Variants in DAB1 observed in about 807,000 individuals in gnomAD.
The protein encoded by DAB1 is DAB adaptor protein 1, also known as disabled homolog 1.
A neutral mutation model predicts 64.6 loss-of-function variants in DAB1; 15 were observed. That is an observed-to-expected ratio of 0.23 (90% CI 0.16 to 0.36). The LOEUF is 0.36. Ranked by LOEUF, DAB1 falls within the 10% of genes least tolerant of loss-of-function variation. The pLI, the probability that DAB1 is intolerant of heterozygous loss-of-function variation, is 1.00. For missense variants in DAB1, 596 were observed against 706.7 expected, an observed-to-expected ratio of 0.84 and a Z score of 1.78; for synonymous variants, 235 against 251.9, an observed-to-expected ratio of 0.93 and a Z score of 0.64.
chr1:57,000,811 C>G (rs972384158), intron 14 of DAB1, among the ~76,000 whole-genome samples: 1 of 152,192 alleles, frequency 6.6e-6, no homozygotes, highest in Non-Finnish European at 1.5e-5. Context: ...ACAATTTGCT[C>G]TATTCTAATT....
chr1:57,757,198 AT>A (rs375166170), intron 6 of DAB1, among the ~76,000 whole-genome samples: 5,489 of 89,896 alleles, frequency 0.061, 221 homozygotes, highest in Middle Eastern at 0.11. Flanking sequence ...CAGGGGCAGA[AT>A]TTTTTTTTTT....
chr1:57,826,706 A>C (rs933484749), intron 1 of DAB1, among the ~76,000 whole-genome samples: 2 of 152,220 alleles, frequency 1.3e-5, no homozygotes, highest in Admixed American at 6.5e-5. Context: ...TGCAGCCAGC[A>C]AGAGAAATAA....
At chr1:58,119,488 T>C (rs1022733699) in intron 5 of DAB1, among the ~76,000 whole-genome samples, 17 of 152,210 alleles carry the variant, frequency 1.1e-4, no homozygotes, top group African/African-American at 4.1e-4. Flanking sequence ...AGCTGAATCA[T>C]TCTAAATTTC....
intron 3 of DAB1, among the ~76,000 whole-genome samples, chr1:58,441,854 G>A (rs771349010): frequency 2.6e-5 from 4 of 152,120 alleles, no homozygotes; most frequent in South Asian, 2.1e-4. Flanking sequence ...TCACTGAGTC[G>A]GTAACAGATG....
rs1553173042 is a variant in DAB1, at chr1:58,288,032, A to AG, written n.309+55319_309+55320insC. ...GCAAGACTGCCTCAAAAAAAAAAAA[A>AG]AAAAAAAAAAAAAGAAAAAAAAGAG... On this transcript the variant is annotated intron_variant and non_coding_transcript_variant, in intron 4 of 20. Coordinates refer to the DAB1 transcript ENST00000485760. 6.9e-5 allele frequency among the ~76,000 whole-genome samples: 10 copies of AG among 145,124 alleles called. 1 individual carries two copies. In the South Asian group the frequency reaches 1.2e-3, roughly 17 times the overall value.
intron 1 of DAB1, among the ~76,000 whole-genome samples, chr1:57,343,847 C>T (rs369451360): frequency 5.0e-4 from 76 of 152,350 alleles, no homozygotes; most frequent in African/African-American, 1.8e-3. Context: ...GCCCAGAAAG[C>T]GGCTCCCACA....
chr1:57,017,007 G>GCCAGGGTT (rs1257977724), intron 11 of DAB1, among the ~76,000 whole-genome samples: 3 of 152,240 alleles, frequency 2.0e-5, no homozygotes, highest in African/African-American at 7.2e-5. Context: ...TCCCCCCAAA[G>GCCAGGGTT]CCAGGGTTCC....
intron 1 of DAB1, among the ~76,000 whole-genome samples, chr1:57,401,812 C>T (rs1683265158): frequency 6.6e-6 from 1 of 152,218 alleles, no homozygotes. Context: ...GCTTCATTTC[C>T]TTTGCCTGCA....
At chr1:57,491,771 C>T (rs768674801) in intron 7 of DAB1, among the ~76,000 whole-genome samples, 16 of 152,120 alleles carry the variant, frequency 1.1e-4, no homozygotes, top group Non-Finnish European at 2.2e-4. Context: ...AGGTTTCCCA[C>T]GTAGCATCAC....
chr1:57,461,057 C>A (rs1686764598), intron 7 of DAB1, among the ~76,000 whole-genome samples: 1 of 152,148 alleles, frequency 6.6e-6, no homozygotes, highest in Admixed American at 6.5e-5. Flanking sequence ...CCTTCCCCTG[C>A]CCTTATCTGA....
chr1:57,689,386 GA>G (rs1463746818), intron 6 of DAB1, among the ~76,000 whole-genome samples: 1 of 152,188 alleles, frequency 6.6e-6, no homozygotes, highest in African/African-American at 2.4e-5. Context: ...GGGTTTAAAA[GA>G]TTAGTTAGTA....
chr1:58,385,190 T>G (rs1335579008), intron 3 of DAB1, among the ~76,000 whole-genome samples: 1 of 152,154 alleles, frequency 6.6e-6, no homozygotes, highest in Non-Finnish European at 1.5e-5. Flanking sequence ...GTAGCAGGAG[T>G]GTATACATAT....
At chr1:58,224,033 C>A (rs1659328173) in intron 4 of DAB1, among the ~76,000 whole-genome samples, 1 of 152,224 alleles carries the variant, frequency 6.6e-6, no homozygotes, top group Non-Finnish European at 1.5e-5. Context: ...GGAGAAGCCA[C>A]TACCTGCCTC....
At position 57,011,250 on chromosome 1, in the gene DAB1, C is replaced by A. The variant is rs760474130; in HGVS notation, c.1467G>T (p.Gln489His). ...ATGCAGATGATTTGGATGGAGAGCT[C>A]TGTCTAGGGGCTGGGGTTGGAGCTA... The part of the protein sequence containing the change: ...TNSPPTPAPR[Q>H]SSPSKSSASH... The change falls in exon 13 of 15, where the codon CAG (glutamine) becomes CAT (histidine). Residue 489 changes from glutamine to histidine, a missense_variant. Gln to His is a conservative substitution (Grantham distance 24). This residue lies in a region of DAB1 where 377 missense variants were observed against 400.4 expected (regional missense o/e 0.94). Transcript: ENST00000371236. 33 of 1,613,944 alleles carry A rather than the reference C, an allele frequency of 2.0e-5. No individual in the cohort carries two copies. The highest frequency in any genetic ancestry group is 2.6e-5 in the Non-Finnish European group (31 of 1,179,878).
chr1:57,532,663 CAG>C (rs1405676390), intron 7 of DAB1, among the ~76,000 whole-genome samples: 5 of 152,156 alleles, frequency 3.3e-5, no homozygotes, highest in Admixed American at 6.5e-5. Flanking sequence ...GTAAGCATAG[CAG>C]AGTGAGAGCA....
chr1:57,971,108 C>G (rs1237999534), intron 5 of DAB1, among the ~76,000 whole-genome samples: 1 of 152,132 alleles, frequency 6.6e-6, no homozygotes, highest in East Asian at 1.9e-4. Context: ...ACCAAGGAGG[C>G]ATTCTGAGAG....
intron 2 of DAB1, among the ~76,000 whole-genome samples, chr1:57,150,424 C>A (rs185523400): frequency 6.8e-4 from 104 of 152,266 alleles, no homozygotes; most frequent in Non-Finnish European, 1.3e-3. Flanking sequence ...ATTATATGAT[C>A]ATCATTTGTA....
intron 3 of DAB1, among the ~76,000 whole-genome samples, chr1:58,391,298 A>G (rs533907130): frequency 6.6e-6 from 1 of 152,316 alleles, no homozygotes; most frequent in Non-Finnish European, 1.5e-5. Context: ...CAATAGCCAG[A>G]TTGTGTCGCT....
chr1:57,534,201 CAGA>C (rs1225913689), intron 7 of DAB1, among the ~76,000 whole-genome samples: 3 of 152,224 alleles, frequency 2.0e-5, no homozygotes, highest in African/African-American at 2.4e-5. Context: ...GTGCAGACTT[CAGA>C]AGAAGTGGCT....
Sources: gnomAD v4.1 joint callset for allele counts (sites outside exome capture counted in the v4.1 genomes callset) on GRCh38, gnomAD v4.1.1 for gene constraint, gnomAD v4.1.1 regional missense constraint, MANE v1.5 for transcripts, NCBI Gene and HGNC (gene_info 2026-07-23, HGNC 2026-07-21) for gene names.